TK2: variants seen among roughly 807,000 people sequenced by gnomAD.
TK2 encodes the protein thymidine kinase 2.
TK2 carries 35 observed loss-of-function variants against 41.9 expected under a neutral mutation model. That is an observed-to-expected ratio of 0.84 (90% CI 0.64 to 1.11). The LOEUF (loss-of-function observed/expected upper bound fraction) is 1.11. Among genes scored for constraint, TK2 ranks in the 50% least tolerant of loss-of-function variants. TK2 has a pLI of 0.00. For missense variants in TK2, 320 were observed against 351.1 expected (o/e 0.91, Z 0.71); for synonymous variants, 128 against 129.1 (o/e 0.99, Z 0.06).
At chr16:66,531,312 T>C (rs1006583982) in intron 5 of TK2, 68 bp downstream of exon 5, 52 of 1,499,880 alleles carry the variant, frequency 3.5e-5, no homozygotes, top group Non-Finnish European at 4.1e-5. Flanking sequence ...TTTCCCTTCC[T>C]GGCAATCACA....
intron 3 of TK2, among the ~76,000 whole-genome samples, chr16:66,538,585 A>C (rs1415367020): frequency 2.6e-5 from 4 of 152,190 alleles, no homozygotes; most frequent in African/African-American, 9.7e-5. Context: ...CAACAATAGC[A>C]AAACCAGCCC....
chr16:66,529,594 G>C (rs920543364), intron 5 of TK2, among the ~76,000 whole-genome samples: 1 of 152,206 alleles, frequency 6.6e-6, no homozygotes, highest in Non-Finnish European at 1.5e-5. Context: ...AAGACAGCCT[G>C]ACAGTGCCCC....
chr16:66,541,903 G>A lies in TK2; in HGVS notation c.207C>T (p.Phe69=), dbSNP rs754258036. 1 of 1,614,098 alleles carries A rather than the reference G, an allele frequency of 6.2e-7. No individual in the cohort carries two copies. The highest frequency in any genetic ancestry group is 8.5e-7 in the Non-Finnish European group (1 of 1,180,012). The change falls in exon 3 of 10, where the codon TTC becomes TTT. Residue 69 remains phenylalanine, a synonymous_variant. Coordinates refer to ENST00000544898, the MANE Select transcript of TK2 (RefSeq NM_004614.5). ...CCTCGACGTCTGTCGCGTTGGAGAA[G>A]AATTCCAGGCATGTCGTCTTCCCAC... ...IASGKTTCLE[F]FSNATDVEVL... is the part of the protein sequence containing the mutation.
At chr16:66,538,187 C>T (rs1356711141) in intron 3 of TK2, among the ~76,000 whole-genome samples, 4 of 151,738 alleles carry the variant, frequency 2.6e-5, no homozygotes, top group Non-Finnish European at 5.9e-5. Flanking sequence ...AAGTAATCAC[C>T]CCCCACCCTT....
At chr16:66,516,761 C>T (rs987765548) in intron 8 of TK2, among the ~76,000 whole-genome samples, 2 of 152,114 alleles carry the variant, frequency 1.3e-5, no homozygotes, top group African/African-American at 4.8e-5. Context: ...GGGCTGGGTC[C>T]TGCCCTCCTG....
At chr16:66,522,656 C>A (rs1261930038) in intron 6 of TK2, among the ~76,000 whole-genome samples, 1 of 152,180 alleles carries the variant, frequency 6.6e-6, no homozygotes, top group Admixed American at 6.5e-5. Context: ...CACCTGAGGT[C>A]GGGAGTTCGA....
At chr16:66,523,473 C>T (rs1369313457) in intron 6 of TK2, among the ~76,000 whole-genome samples, 2 of 152,200 alleles carry the variant, frequency 1.3e-5, no homozygotes, top group African/African-American at 2.4e-5. Flanking sequence ...TTCTATGCTA[C>T]ATTTTGCATA....
In TK2 at chr16:66,517,755, G is replaced by C. The variant is rs371828929; in HGVS notation, c.538+34C>G. ...ACATCCTCAAGGGACCCAGGAGAGA[G>C]ACAAGAGAGGGAGGTGGGAGGGGTG... is the stretch of plus-strand genomic sequence containing the variant. On this transcript the variant is annotated intron_variant, in intron 7 of 9. Coordinates refer to ENST00000544898, the MANE Select transcript of TK2 (RefSeq NM_004614.5). The surrounding 1 kb of genome is among the most constrained non-coding windows in gnomAD (Gnocchi z 4.3). The C allele has an allele frequency of 1.9e-5, 31 of 1,601,572 alleles. No homozygotes were observed. The highest frequency in any genetic ancestry group is 2.4e-5 in the Non-Finnish European group (28 of 1,168,682).
Position 66,517,841 on chromosome 16 carries a change from C to A in TK2, c.486G>T (p.Ser162=), listed in dbSNP as rs570920543. ...TCCTCAAGATCCAGTCAAACCATTC[C>A]GACAGAACTACATAGTCCACTTCTG... is the stretch of plus-strand genomic sequence containing the variant. ...KMPEVDYVVL[S]EWFDWILRNM... The change falls in exon 7 of 10, where the codon TCG becomes TCT. Residue 162 remains serine, a synonymous_variant. Transcript: ENST00000544898. This position sits in a 1 kb window ranked among gnomAD's most constrained non-coding sequence, Gnocchi z 4.3. 18 of 1,614,108 alleles carry A rather than the reference C, an allele frequency of 1.1e-5. No homozygotes were observed. Among genetic ancestry groups the A allele is most frequent in the East Asian group, 8.9e-5 (4 of 44,854 alleles).
intron 1 of TK2, chr16:66,549,707 C>T (rs780407988): frequency 5.5e-6 from 7 of 1,263,198 alleles, no homozygotes; most frequent in Non-Finnish European, 6.9e-6. Flanking sequence ...CCGTCCTGCT[C>T]TTTAAAGGCC....
chr16:66,513,962 C>T (rs1302994229), intron 8 of TK2, 151 bp from the exon 9 acceptor site: 2 of 717,946 alleles, frequency 2.8e-6, no homozygotes, highest in African/African-American at 3.5e-5. Context: ...CTCAAGTGGA[C>T]AGCGGCAGAC....
chr16:66,515,148 C>A (rs1481844088), intron 8 of TK2, among the ~76,000 whole-genome samples: 1 of 151,514 alleles, frequency 6.6e-6, no homozygotes, highest in African/African-American at 2.4e-5. Context: ...CGAGAAACAC[C>A]CAAGAATGAT....
intron 2 of TK2, among the ~76,000 whole-genome samples, chr16:66,542,661 G>C (rs1220219420): frequency 6.6e-6 from 1 of 152,160 alleles, no homozygotes; most frequent in South Asian, 2.1e-4. Flanking sequence ...ACTAGTGGGA[G>C]GGGCCAGAAA....
Position 66,548,905 on chromosome 16 carries a change from T to C in TK2, c.156+73A>G. ...TACTATGGAATGTATTTTTGCTTTT[T>C]ACTCTGCTTTTTTCTCTCTCCTCTT... On this transcript the variant is annotated intron_variant, in intron 2 of 9. Transcript: ENST00000544898. The C allele has an allele frequency of 3.4e-6, 5 of 1,463,466 alleles. No homozygotes were observed. In the Admixed American group the frequency reaches 5.3e-5, roughly 15 times the overall value. The allele number at this position is 1,463,466 out of a possible 1,614,324, so 90.7% of individuals were successfully genotyped here.
intron 3 of TK2, among the ~76,000 whole-genome samples, chr16:66,540,728 G>C (rs930946176): frequency 7.9e-5 from 12 of 152,204 alleles, no homozygotes; most frequent in African/African-American, 2.9e-4. Context: ...CCTATGCATA[G>C]TAATACCCAC....
rs1965044841 is a variant in TK2 at position 66,529,574 on chromosome 16, A to G, written c.376-507T>C. On this transcript the variant is annotated intron_variant, in intron 5 of 9. Transcript: ENST00000544898. ...AAGGAAACTGGTAAGAACGATGCCC[A>G]AGAGGGAGGAAGACAGCCTGACAGT... is the stretch of plus-strand genomic sequence containing the variant. Among the ~76,000 whole-genome samples the G allele has an allele frequency of 2.0e-5, 3 of 152,240 alleles. 1 individual carries two copies. In the South Asian group the frequency reaches 6.2e-4, roughly 31 times the overall value.
chr16:66,517,508 T>C lies in TK2; in HGVS notation c.538+281A>G, dbSNP rs1964650125. Among the ~76,000 whole-genome samples, 1 of 152,314 alleles carries C rather than the reference T, an allele frequency of 6.6e-6. No individual in the cohort carries two copies. The highest frequency in any genetic ancestry group is 3.4e-3 in the Middle Eastern group (1 of 292). On this transcript the variant is annotated intron_variant, in intron 7 of 9. Coordinates refer to ENST00000544898, the MANE Select transcript of TK2 (RefSeq NM_004614.5). The surrounding 1 kb of genome is among the most constrained non-coding windows in gnomAD (Gnocchi z 4.3). ...TCAGGCTCTGTCCTTCCTGTTCCTT[T>C]GCAAACTAGAAAAACCCATCAGATC...
chr16:66,513,469 G>A (rs1009783797), intron 9 of TK2, among the ~76,000 whole-genome samples: 9 of 152,244 alleles, frequency 5.9e-5, no homozygotes, highest in East Asian at 1.9e-4. Flanking sequence ...TAGAGTCTTC[G>A]CTGAAGATGC....
chr16:66,529,941 C>A (rs1165551447), intron 5 of TK2, among the ~76,000 whole-genome samples: 1 of 152,216 alleles, frequency 6.6e-6, no homozygotes, highest in Admixed American at 6.5e-5. Context: ...GTCTGTCCAT[C>A]TCTCTCTGCC....
Sources: gnomAD v4.1 joint callset for allele counts (sites outside exome capture counted in the v4.1 genomes callset) on GRCh38, gnomAD v4.1.1 for gene constraint, Gnocchi (gnomAD v3.1) non-coding constraint, MANE v1.5 for transcripts, NCBI Gene and HGNC (gene_info 2026-07-23, HGNC 2026-07-21) for gene names.